AIG1: variants seen among roughly 807,000 people sequenced by gnomAD.
AIG1 encodes androgen induced 1, also known as androgen-induced gene 1 protein.
AIG1 carries 23 observed loss-of-function variants against 31.4 expected under a neutral mutation model. The observed-to-expected ratio is 0.73, with a 90% confidence interval of 0.53 to 1.04. The LOEUF (loss-of-function observed/expected upper bound fraction) is 1.04. Among genes scored for constraint, AIG1 ranks in the 50% least tolerant of loss-of-function variants. The probability of loss-of-function intolerance (pLI) is 0.00; values close to 1 mark genes in which losing one functional copy is unlikely to be tolerated. For synonymous variants in AIG1, 100 were observed against 110.5 expected (o/e 0.90, Z 0.60); for missense variants, 274 against 295.0 (o/e 0.93, Z 0.52).
chr6:143,309,973 C>A (rs1178052359), intron 4 of AIG1, among the ~76,000 whole-genome samples: 1 of 151,830 alleles, frequency 6.6e-6, no homozygotes, highest in Non-Finnish European at 1.5e-5. Context: ...ATGCACATAA[C>A]AACAGAGCAT....
chr6:143,335,446 T>G (rs1777405556), intron 5 of AIG1: 1 of 157,428 alleles, frequency 6.4e-6, no homozygotes, highest in Admixed American at 6.7e-5. Flanking sequence ...GCAGGAGAAC[T>G]GCTTGAACCC....
In AIG1 at chr6:143,061,031, G is replaced by A; in HGVS notation, c.106G>A (p.Gly36Arg). 6.2e-7 allele frequency: 1 copy of A among 1,613,360 alleles called. No homozygotes were observed. Among genetic ancestry groups the A allele is most frequent in the Non-Finnish European group, 8.5e-7 (1 of 1,179,660 alleles). ...CGAAATGCCCTCACACCAGACCTAC[G>A]GAGGGAGCTGGAAATTCCTGACGTT... ...AIEMPSHQTY[G>R]GSWKFLTFID... is the part of the protein sequence containing the mutation. The change falls in exon 1 of 6, where the codon GGA becomes AGA. Residue 36 changes from glycine to arginine, a missense_variant. By Grantham distance (125) the Gly-to-Arg change is moderately radical. Coordinates refer to ENST00000357847, the MANE Select transcript of AIG1 (RefSeq NM_016108.4).
At chr6:143,083,364 G>A (rs1471453748) in intron 1 of AIG1, among the ~76,000 whole-genome samples, 1 of 152,154 alleles carries the variant, frequency 6.6e-6, no homozygotes, top group Non-Finnish European at 1.5e-5. Flanking sequence ...CTGAACCCTT[G>A]GGGTAAAACA....
At chr6:143,128,650 A>G (rs1307469238) in intron 1 of AIG1, among the ~76,000 whole-genome samples, 2 of 152,198 alleles carry the variant, frequency 1.3e-5, no homozygotes, top group South Asian at 2.1e-4. Flanking sequence ...GCATCTCCAT[A>G]TAACTTTTAC....
At chr6:143,165,492 GA>G (rs747687958) in intron 3 of AIG1, among the ~76,000 whole-genome samples, 1 of 151,976 alleles carries the variant, frequency 6.6e-6, no homozygotes, top group Non-Finnish European at 1.5e-5. Flanking sequence ...TGTGCCATTA[GA>G]AGGCTTGTCC....
intron 2 of AIG1, among the ~76,000 whole-genome samples, chr6:143,160,547 C>T (rs1786263950): frequency 6.6e-6 from 1 of 152,178 alleles, no homozygotes; most frequent in Admixed American, 6.5e-5. Flanking sequence ...TTCCTGGCAG[C>T]CAAGAAGCAG....
At chr6:143,110,837 G>A (rs982647526) in intron 1 of AIG1, among the ~76,000 whole-genome samples, 3 of 152,066 alleles carry the variant, frequency 2.0e-5, no homozygotes, top group African/African-American at 7.2e-5. Flanking sequence ...TTGAGTAATC[G>A]CATAGTTGAA....
chr6:143,176,863 A>T (rs1049455558), intron 3 of AIG1, among the ~76,000 whole-genome samples: 11 of 152,188 alleles, frequency 7.2e-5, no homozygotes, highest in African/African-American at 2.4e-4. Flanking sequence ...CGCCTCCTTC[A>T]AAGGGTCTGT....
intron 1 of AIG1, among the ~76,000 whole-genome samples, chr6:143,101,184 A>G (rs978021938): frequency 1.3e-5 from 2 of 152,040 alleles, no homozygotes; most frequent in Non-Finnish European, 2.9e-5. Flanking sequence ...AGTCTGTTTT[A>G]GGTGAATAAG....
At position 143,071,499 on chromosome 6, in the gene AIG1, C is replaced by T. The variant is rs541364043; in HGVS notation, c.141+10433C>T. 7.2e-5 allele frequency among the ~76,000 whole-genome samples: 11 copies of T among 152,244 alleles called. No individual in the cohort carries two copies. In the South Asian group the frequency reaches 1.0e-3, roughly 14 times the overall value. On this transcript the variant is annotated intron_variant, in intron 1 of 5. Coordinates refer to ENST00000357847, the MANE Select transcript of AIG1 (RefSeq NM_016108.4). ...TGATAGTTGCAATTTTTAGTTTTAC[C>T]GGAAGCTACCAAATGGTTGTCCAGA... is the stretch of plus-strand genomic sequence containing the variant.
chr6:143,183,529 C>A (rs1418742272), intron 3 of AIG1, among the ~76,000 whole-genome samples: 1 of 152,162 alleles, frequency 6.6e-6, no homozygotes, highest in African/African-American at 2.4e-5. Flanking sequence ...CATGCCATCA[C>A]AAATCCCTCT....
intron 4 of AIG1, among the ~76,000 whole-genome samples, chr6:143,287,717 A>G (rs538631677): frequency 4.1e-5 from 6 of 147,128 alleles, no homozygotes; most frequent in Admixed American, 3.4e-4. Flanking sequence ...TAAAGCCCAT[A>G]GAACAATGCC....
intron 1 of AIG1, among the ~76,000 whole-genome samples, chr6:143,110,770 G>A (rs980967719): frequency 3.3e-5 from 5 of 152,178 alleles, no homozygotes; most frequent in African/African-American, 1.2e-4. Context: ...TATCCTTAAA[G>A]GCAGCAGATG....
chr6:143,124,587 G>C (rs1405268219), intron 1 of AIG1, among the ~76,000 whole-genome samples: 1 of 152,148 alleles, frequency 6.6e-6, no homozygotes, highest in Non-Finnish European at 1.5e-5. Context: ...TTTCCAGTGA[G>C]GTCTTGTATT....
intron 5 of AIG1, among the ~76,000 whole-genome samples, chr6:143,335,945 G>T (rs1245768470): frequency 7.9e-6 from 1 of 126,848 alleles, no homozygotes. Context: ...GAAACTCTCA[G>T]AAAAAAAAAA....
At chr6:143,157,283 C>T (rs1335367878) in intron 2 of AIG1, among the ~76,000 whole-genome samples, 2 of 152,256 alleles carry the variant, frequency 1.3e-5, no homozygotes, top group Non-Finnish European at 2.9e-5. Context: ...CCAGGCTCCT[C>T]TGGCTTAATT....
intron 4 of AIG1, among the ~76,000 whole-genome samples, chr6:143,310,101 T>G (rs1775142616): frequency 6.6e-6 from 1 of 151,886 alleles, no homozygotes; most frequent in Non-Finnish European, 1.5e-5. Flanking sequence ...GGCAAAAAAT[T>G]CATACAGATA....
At chr6:143,271,284 G>T (rs1480055036) in intron 3 of AIG1, among the ~76,000 whole-genome samples, 1 of 152,176 alleles carries the variant, frequency 6.6e-6, no homozygotes, top group Non-Finnish European at 1.5e-5. Flanking sequence ...CCTTGGAGAT[G>T]ATTCGTTTCT....
intron 1 of AIG1, among the ~76,000 whole-genome samples, chr6:143,136,153 A>G (rs1418127362): frequency 1.3e-5 from 2 of 152,112 alleles, no homozygotes; most frequent in Non-Finnish European, 1.5e-5. Context: ...ATCTCTGTTT[A>G]TATTACTTTG....
Sources: gnomAD v4.1 joint callset for allele counts (sites outside exome capture counted in the v4.1 genomes callset) on GRCh38, gnomAD v4.1.1 for gene constraint, MANE v1.5 for transcripts, NCBI Gene and HGNC (gene_info 2026-07-23, HGNC 2026-07-21) for gene names.